The following CEP63 variants were observed in gnomAD, a reference collection of about 807,000 sequenced individuals.
CEP63 encodes centrosomal protein of 63 kDa.
A neutral mutation model predicts 89.1 loss-of-function variants in CEP63; 84 were observed. The ratio of observed to expected loss-of-function variants is 0.94; its 90% CI spans 0.79 to 1.13. The LOEUF is 1.13. CEP63 is among the 50% of genes most tolerant of loss of function. The probability of loss-of-function intolerance (pLI) is 0.00; values close to 1 mark genes in which losing one functional copy is unlikely to be tolerated. For missense variants in CEP63, 838 were observed against 813.3 expected, an observed-to-expected ratio of 1.03 and a Z score of -0.37; for synonymous variants, 267 against 272.5, an observed-to-expected ratio of 0.98 and a Z score of 0.20.
At chr3:134,769,789 C>A in the CEP63 span, among the ~76,000 whole-genome samples, 32 of 152,314 alleles carry the variant, frequency 2.1e-4, no homozygotes, top group Admixed American at 6.5e-4. Flanking sequence ...CCTCTAAGCC[C>A]TATTCTGATA....
At chr3:134,493,477 C>A (rs932753904) in intron 1 of CEP63, among the ~76,000 whole-genome samples, 3 of 151,586 alleles carry the variant, frequency 2.0e-5, no homozygotes, top group African/African-American at 7.3e-5. Flanking sequence ...ACATGGGAAC[C>A]TTTTTCTTTA....
intron 1 of CEP63, among the ~76,000 whole-genome samples, chr3:134,492,113 G>A (rs1306585042): frequency 8.5e-6 from 1 of 117,716 alleles, no homozygotes; most frequent in African/African-American, 3.3e-5. Flanking sequence ...TTGCTCTGTC[G>A]CCCAGGCTGG....
At chr3:134,711,460 T>C in the CEP63 span, among the ~76,000 whole-genome samples, 1 of 152,238 alleles carries the variant, frequency 6.6e-6, no homozygotes, top group Non-Finnish European at 1.5e-5. Flanking sequence ...CTCTCTTCAC[T>C]GTGGTTACAA....
At chr3:134,527,973 C>T (rs1949007013) in intron 3 of CEP63, among the ~76,000 whole-genome samples, 1 of 152,210 alleles carries the variant, frequency 6.6e-6, no homozygotes, top group Non-Finnish European at 1.5e-5. Flanking sequence ...GATTCTCTCA[C>T]ACCAAACCCT....
the CEP63 span, among the ~76,000 whole-genome samples, chr3:134,747,794 T>G: frequency 6.6e-6 from 1 of 152,182 alleles, no homozygotes; most frequent in Non-Finnish European, 1.5e-5. Context: ...CTTTCTTTCT[T>G]TCTTTTTTTG....
chr3:134,634,750 A>G, the CEP63 span, among the ~76,000 whole-genome samples: 2 of 152,220 alleles, frequency 1.3e-5, no homozygotes, highest in Non-Finnish European at 2.9e-5. Flanking sequence ...CAAAACTCGC[A>G]TAGAGAGGGC....
the CEP63 span, among the ~76,000 whole-genome samples, chr3:134,673,694 T>C: frequency 6.6e-6 from 1 of 152,084 alleles, no homozygotes; most frequent in African/African-American, 2.4e-5. Flanking sequence ...TCCCTTTCCT[T>C]CTGAGTCCTC....
chr3:134,616,261 G>A, the CEP63 span, among the ~76,000 whole-genome samples: 1 of 152,156 alleles, frequency 6.6e-6, no homozygotes, highest in African/African-American at 2.4e-5. Context: ...CAGACAGAAG[G>A]AACTGAATGA....
chr3:134,566,241 T>C (rs1216982844), downstream of CEP63, among the ~76,000 whole-genome samples: 1 of 152,142 alleles, frequency 6.6e-6, no homozygotes, highest in African/African-American at 2.4e-5. Context: ...TTTGCACTCC[T>C]CTTACAAAAA....
exon 12 of CEP63, chr3:134,574,896 C>T: frequency 2.0e-6 from 1 of 508,278 alleles, no homozygotes; most frequent in Non-Finnish European, 3.5e-6. Flanking sequence ...GTGTGAGCTA[C>T]CACCACTGGC....
chr3:134,636,295 T>G, the CEP63 span, among the ~76,000 whole-genome samples: 11 of 152,234 alleles, frequency 7.2e-5, no homozygotes, highest in African/African-American at 2.7e-4. Flanking sequence ...CTTGCTGTGC[T>G]TGATTGCAAA....
chr3:134,704,430 ACG>A, the CEP63 span, among the ~76,000 whole-genome samples: 1 of 152,118 alleles, frequency 6.6e-6, no homozygotes, highest in Admixed American at 6.6e-5. Context: ...GAGAGAGAGA[ACG>A]AAAGCAGGAA....
chr3:134,731,500 C>T, the CEP63 span, among the ~76,000 whole-genome samples: 2 of 152,124 alleles, frequency 1.3e-5, no homozygotes, highest in South Asian at 4.1e-4. Flanking sequence ...AAACACACTT[C>T]TAAATAACTC....
chr3:134,490,105 G>A (rs1416987904), intron 1 of CEP63, among the ~76,000 whole-genome samples: 2 of 152,068 alleles, frequency 1.3e-5, no homozygotes, highest in Non-Finnish European at 2.9e-5. Context: ...TTACCTAGGT[G>A]GGAGAGGTGT....
the CEP63 span, among the ~76,000 whole-genome samples, chr3:134,701,375 C>CTGTGT: frequency 3.6e-4 from 7 of 19,186 alleles, no homozygotes; most frequent in African/African-American, 6.9e-4. Flanking sequence ...TATACACACA[C>CTGTGT]ATATATACGT....
the CEP63 span, among the ~76,000 whole-genome samples, chr3:134,721,084 G>T: frequency 6.6e-6 from 1 of 152,046 alleles, no homozygotes; most frequent in Non-Finnish European, 1.5e-5. Flanking sequence ...ATAATATTAA[G>T]TCTTCCAAAC....
chr3:134,723,480 T>C, the CEP63 span, among the ~76,000 whole-genome samples: 2 of 152,180 alleles, frequency 1.3e-5, no homozygotes, highest in East Asian at 3.8e-4. Flanking sequence ...AGTTCACCCA[T>C]GGATCCCTGA....
intron 3 of CEP63, among the ~76,000 whole-genome samples, chr3:134,525,189 C>T (rs1198789046): frequency 6.6e-6 from 1 of 152,118 alleles, no homozygotes; most frequent in Non-Finnish European, 1.5e-5. Flanking sequence ...ATAGTATTCT[C>T]TGACGTTTGT....
At chr3:134,583,576 AC>A (rs1404977573) in intron 10 of CEP63, among the ~76,000 whole-genome samples, 1 of 152,136 alleles carries the variant, frequency 6.6e-6, no homozygotes, top group African/African-American at 2.4e-5. Context: ...TGTTTTGGTT[AC>A]TGTAGCCTTG....
Sources: gnomAD v4.1 joint callset for allele counts (sites outside exome capture counted in the v4.1 genomes callset) on GRCh38, gnomAD v4.1.1 for gene constraint, MANE v1.5 for transcripts, NCBI Gene and HGNC (gene_info 2026-07-23, HGNC 2026-07-21) for gene names.